Variants in CSNK1G3 observed in about 807,000 individuals in gnomAD.
The protein encoded by CSNK1G3 is casein kinase 1 gamma 3, also known as casein kinase I isoform gamma-3.
In CSNK1G3, 23 loss-of-function variants were observed where a neutral mutation model predicts 64.3. The observed-to-expected ratio is 0.36, with a 90% confidence interval of 0.26 to 0.51. The LOEUF (loss-of-function observed/expected upper bound fraction) is 0.51, where lower values mean the gene tolerates loss of function less well. CSNK1G3 is among the 20% of genes least tolerant of loss of function. CSNK1G3 has a pLI of 0.96. For synonymous variants in CSNK1G3, 158 were observed against 162.2 expected (o/e 0.97, Z 0.20); for missense variants, 357 against 510.5 (o/e 0.70, Z 2.90).
At chr5:123,595,830 T>C (rs186003812) in intron 10 of CSNK1G3, among the ~76,000 whole-genome samples, 1 of 152,198 alleles carries the variant, frequency 6.6e-6, no homozygotes. Flanking sequence ...TAATCATTTA[T>C]GTATATTGTA....
chr5:123,590,232 C>T (rs971979578), intron 8 of CSNK1G3, among the ~76,000 whole-genome samples, 178 bp from the exon 9 acceptor site: 17 of 151,888 alleles, frequency 1.1e-4, no homozygotes, highest in African/African-American at 4.1e-4. Flanking sequence ...TCTCTATTCC[C>T]TTCCTTCTTT....
At chr5:123,531,548 G>C (rs1404858474) in intron 1 of CSNK1G3, among the ~76,000 whole-genome samples, 1 of 151,830 alleles carries the variant, frequency 6.6e-6, no homozygotes, top group African/African-American at 2.4e-5. Flanking sequence ...ATCTTTATTA[G>C]TAGATATTAC....
At chr5:123,536,424 G>A (rs752960615) in intron 1 of CSNK1G3, among the ~76,000 whole-genome samples, 19 of 97,398 alleles carry the variant, frequency 2.0e-4, no homozygotes, top group Non-Finnish European at 1.8e-4. Flanking sequence ...AATATGAAGG[G>A]CTTTTTTTTT....
chr5:123,615,358 G>A (rs1440214906), exon 13 of CSNK1G3: 7 of 152,370 alleles, frequency 4.6e-5, no homozygotes, highest in Non-Finnish European at 8.8e-5. Flanking sequence ...GAAAACTTTG[G>A]ATGTGCCATG....
At chr5:123,514,008 A>G (rs988698805) in intron 1 of CSNK1G3, among the ~76,000 whole-genome samples, 1 of 152,228 alleles carries the variant, frequency 6.6e-6, no homozygotes, top group Non-Finnish European at 1.5e-5. Flanking sequence ...TGCACAAAAG[A>G]TAAAAGATAA....
At chr5:123,582,462 AACATGG>A (rs1246395638) in intron 6 of CSNK1G3, among the ~76,000 whole-genome samples, 18 of 152,162 alleles carry the variant, frequency 1.2e-4, no homozygotes, top group Non-Finnish European at 4.4e-5. Flanking sequence ...GTATATATGA[AACATGG>A]ACACAGACTC....
exon 13 of CSNK1G3, chr5:123,615,769 T>G (rs945042311): frequency 2.0e-5 from 3 of 152,194 alleles, no homozygotes; most frequent in African/African-American, 7.2e-5. Flanking sequence ...TTTGAATAAA[T>G]CTCATATTCA....
chr5:123,588,013 C>G, intron 6 of CSNK1G3, 55 bp from the exon 7 acceptor site: 5 of 1,117,954 alleles, frequency 4.5e-6, no homozygotes, highest in South Asian at 2.8e-5. Flanking sequence ...ACTCTCCATT[C>G]TTCCATTCTT....
intron 4 of CSNK1G3, among the ~76,000 whole-genome samples, chr5:123,567,969 G>A (rs1787263618): frequency 6.6e-6 from 1 of 152,184 alleles, no homozygotes; most frequent in Admixed American, 6.5e-5. Context: ...CATCTTGCTG[G>A]TTGTGGAAAC....
At chr5:123,518,431 G>C (rs1777546668) in intron 1 of CSNK1G3, among the ~76,000 whole-genome samples, 1 of 152,184 alleles carries the variant, frequency 6.6e-6, no homozygotes, top group Admixed American at 6.5e-5. Flanking sequence ...GCTCTGGTCT[G>C]CCCCTCTGTG....
intron 1 of CSNK1G3, among the ~76,000 whole-genome samples, chr5:123,534,636 GC>G (rs1485158093): frequency 6.6e-6 from 1 of 152,068 alleles, no homozygotes; most frequent in Non-Finnish European, 1.5e-5. Context: ...AAAAGCTGGG[GC>G]TCTCAGTTAT....
chr5:123,514,177 A>G (rs1361156408), intron 1 of CSNK1G3, among the ~76,000 whole-genome samples: 1 of 152,182 alleles, frequency 6.6e-6, no homozygotes, highest in Non-Finnish European at 1.5e-5. Flanking sequence ...GGAGACAGAA[A>G]GGTTAATTTT....
intron 1 of CSNK1G3, among the ~76,000 whole-genome samples, chr5:123,528,590 T>C (rs1028662364): frequency 1.3e-5 from 2 of 152,152 alleles, no homozygotes; most frequent in East Asian, 1.9e-4. Flanking sequence ...TGTAGAGGTT[T>C]GATCAATTTC....
At chr5:123,574,858 A>C (rs191722862) in intron 5 of CSNK1G3, among the ~76,000 whole-genome samples, 2 of 152,096 alleles carry the variant, frequency 1.3e-5, no homozygotes, top group Non-Finnish European at 2.9e-5. Context: ...AAACCAACCA[A>C]CTGCCCCCAA....
At chr5:123,584,403 T>C (rs1790924490) in intron 6 of CSNK1G3, among the ~76,000 whole-genome samples, 1 of 152,234 alleles carries the variant, frequency 6.6e-6, no homozygotes, top group Admixed American at 6.5e-5. Context: ...TTTTTCTGTA[T>C]CTGAGATGAC....
intron 8 of CSNK1G3, among the ~76,000 whole-genome samples, chr5:123,588,964 A>G (rs1056269191): frequency 3.3e-5 from 5 of 152,164 alleles, no homozygotes; most frequent in Admixed American, 1.3e-4. Flanking sequence ...GGCTAATTTT[A>G]TATTGGGGAG....
chr5:123,549,905 C>T (rs1157283199), intron 2 of CSNK1G3, among the ~76,000 whole-genome samples: 3 of 152,156 alleles, frequency 2.0e-5, no homozygotes, highest in Non-Finnish European at 4.4e-5. Flanking sequence ...TTAAGTATGC[C>T]ACAGGAGCTT....
intron 6 of CSNK1G3, among the ~76,000 whole-genome samples, chr5:123,578,805 G>A (rs536597207): frequency 4.6e-5 from 7 of 151,836 alleles, no homozygotes; most frequent in Non-Finnish European, 1.0e-4. Context: ...TGAGATAGGG[G>A]TTGAGGTTCT....
intron 4 of CSNK1G3, among the ~76,000 whole-genome samples, chr5:123,572,576 A>T (rs1788334867): frequency 1.3e-5 from 2 of 152,186 alleles, no homozygotes; most frequent in Admixed American, 1.3e-4. Context: ...CTGCAATCTT[A>T]CATGAGCCTC....
Sources: allele counts gnomAD v4.1 joint callset (sites outside exome capture counted in the v4.1 genomes callset), GRCh38; gene constraint gnomAD v4.1.1; transcripts MANE v1.5; gene names NCBI Gene and HGNC (gene_info 2026-07-23, HGNC 2026-07-21).